MATR3: variants seen among roughly 807,000 people sequenced by gnomAD.
The protein encoded by MATR3 is matrin 3.
In MATR3, 4 loss-of-function variants were observed where a neutral mutation model predicts 85.5. The ratio of observed to expected loss-of-function variants is 0.05; its 90% CI spans 0.02 to 0.11. The LOEUF (loss-of-function observed/expected upper bound fraction) is 0.11. MATR3 is among the 10% of genes least tolerant of loss of function. MATR3 has a pLI of 1.00. For synonymous variants in MATR3, 336 were observed against 343.1 expected, an observed-to-expected ratio of 0.98 and a Z score of 0.23; for missense variants, 685 against 1,016.1, an observed-to-expected ratio of 0.67 and a Z score of 4.43.
chr5:139,319,708 C>T (rs746514489), intron 9 of MATR3, among the ~76,000 whole-genome samples: 5 of 151,304 alleles, frequency 3.3e-5, no homozygotes, highest in African/African-American at 9.7e-5. Flanking sequence ...ATTATCCAGG[C>T]GTGATGTGCC....
intron 1 of MATR3, among the ~76,000 whole-genome samples, chr5:139,275,142 A>ATTTTTTTTTTTTT (rs750841386): frequency 1.2e-4 from 5 of 40,910 alleles, no homozygotes; most frequent in African/African-American, 1.9e-4. Flanking sequence ...CGCCCGGCTA[A>ATTTTTTTTTTTTT]TTTTTTTTTT....
chr5:139,329,441 TG>T lies in MATR3; in HGVS notation c.*47del, dbSNP rs780916919. The stretch of plus-strand genomic sequence containing the variant: ...GATTTCAAAGAAAATAATGGTTCTT[TG>T]TTTTTAATGTTAACCTTTTTTAAAT... On this transcript the variant is annotated 3_prime_UTR_variant, in exon 15 of 15. Transcript: ENST00000394805. 19 of 1,469,448 alleles carry T rather than the reference TG, an allele frequency of 1.3e-5. No homozygotes were observed. In the South Asian group the frequency reaches 2.0e-4, roughly 16 times the overall value. The allele number at this position is 1,469,448 out of a possible 1,614,324, so 91.0% of individuals were successfully genotyped here.
At chr5:139,278,287 T>A (rs1352862951) in intron 2 of MATR3, 1 of 453,890 alleles carries the variant, frequency 2.2e-6, no homozygotes, top group Admixed American at 2.4e-5. Flanking sequence ...TATTATATTC[T>A]GTGTACTAGA....
chr5:139,275,405 A>G (rs1402645887), intron 1 of MATR3, among the ~76,000 whole-genome samples: 1 of 151,876 alleles, frequency 6.6e-6, no homozygotes, highest in Non-Finnish European at 1.5e-5. Flanking sequence ...TGCTGTTTTT[A>G]TTGTCCTTCA....
intron 3 of MATR3, among the ~76,000 whole-genome samples, chr5:139,288,719 C>A (rs1352770486): frequency 4.6e-5 from 7 of 152,140 alleles, no homozygotes; most frequent in African/African-American, 1.4e-4. Flanking sequence ...CAGCTCACTG[C>A]AAGCTCCGCC....
At chr5:139,295,781 A>G (rs1754115993) in intron 1 of MATR3, among the ~76,000 whole-genome samples, 1 of 152,174 alleles carries the variant, frequency 6.6e-6, no homozygotes, top group South Asian at 2.1e-4. Flanking sequence ...CCAGTTGCAA[A>G]TAGTAGCAGT....
At chr5:139,325,049 C>A (rs184557777) in intron 12 of MATR3, among the ~76,000 whole-genome samples, 173 of 152,004 alleles carry the variant, frequency 1.1e-3, no homozygotes, top group African/African-American at 3.9e-3. Flanking sequence ...AAAAATTAGC[C>A]GGGCGTGGTG....
chr5:139,300,755 G>A (rs999957109), intron 1 of MATR3, among the ~76,000 whole-genome samples: 7 of 152,150 alleles, frequency 4.6e-5, no homozygotes, highest in African/African-American at 1.7e-4. Context: ...TGATTCTTCT[G>A]CCTCAGCCTC....
chr5:139,317,819 G>A, intron 7 of MATR3, 98 bp downstream of exon 7: 3 of 1,195,534 alleles, frequency 2.5e-6, no homozygotes, highest in Non-Finnish European at 2.4e-6. Context: ...AAAACTCAAG[G>A]TAATCTTAAG....
chr5:139,304,232 C>T (rs1754597161), intron 1 of MATR3, among the ~76,000 whole-genome samples: 1 of 152,018 alleles, frequency 6.6e-6, no homozygotes, highest in South Asian at 2.1e-4. Context: ...TCGGGCCAGG[C>T]GTGGTGGCTC....
chr5:139,324,770 T>A (rs1383377554), intron 12 of MATR3, among the ~76,000 whole-genome samples: 1 of 152,234 alleles, frequency 6.6e-6, no homozygotes, highest in Non-Finnish European at 1.5e-5. Context: ...CCTATCTCAT[T>A]TAACTTCTGC....
Position 139,322,827 on chromosome 5 carries a change from G to C in MATR3, c.2008G>C (p.Glu670Gln). 1 of 1,614,224 alleles carries C rather than the reference G, an allele frequency of 6.2e-7. No individual in the cohort carries two copies. The highest frequency in any genetic ancestry group is 8.5e-7 in the Non-Finnish European group (1 of 1,180,036). Residue 670 changes from glutamate to glutamine, a missense_variant, in exon 12 of 15, where the codon GAA becomes CAA. Glu to Gln is a conservative substitution (Grantham distance 29). Coordinates refer to ENST00000394805, the MANE Select transcript of MATR3 (RefSeq NM_018834.6). ...TGAAGAAGAAGCAGCAGCACTGCTA[G>C]AAAGTGGCAGTTCAGTGGGAGACGA... ...VDEEEAAALL[E>Q]SGSSVGDETD...
intron 1 of MATR3, among the ~76,000 whole-genome samples, chr5:139,294,334 G>A (rs937242703): frequency 7.9e-5 from 12 of 152,130 alleles, no homozygotes; most frequent in African/African-American, 2.9e-4. Context: ...CTCTGAAAAT[G>A]TTCCCCCAAA....
intron 2 of MATR3, among the ~76,000 whole-genome samples, chr5:139,277,822 G>A (rs1256917747): frequency 6.7e-6 from 1 of 149,312 alleles, no homozygotes; most frequent in East Asian, 2.0e-4. Context: ...TACAACATGA[G>A]GTTTTCATAC....
At position 139,329,468 on chromosome 5, in the gene MATR3, A is replaced by G; in HGVS notation, c.*73A>G. 1 of 1,193,772 alleles carries G rather than the reference A, an allele frequency of 8.4e-7. No individual in the cohort carries two copies. Among genetic ancestry groups the G allele is most frequent in the Non-Finnish European group, 1.2e-6 (1 of 805,050 alleles). 73.9% of individuals were successfully genotyped at this position (1,193,772 alleles called of 1,614,324 possible). ...TTTTTAATGTTAACCTTTTTTAAAT[A>G]CAATACTGATAGTTAGAAGAAAACT... On this transcript the variant is annotated 3_prime_UTR_variant, in exon 15 of 15. Transcript: ENST00000394805.
At chr5:139,298,155 G>T (rs534788985) in intron 1 of MATR3, among the ~76,000 whole-genome samples, 6 of 152,272 alleles carry the variant, frequency 3.9e-5, no homozygotes, top group African/African-American at 1.4e-4. Context: ...CCTTTGTGAG[G>T]ATTATTAGGA....
intron 1 of MATR3, among the ~76,000 whole-genome samples, chr5:139,305,935 T>C (rs1754684675): frequency 6.6e-6 from 1 of 152,216 alleles, no homozygotes; most frequent in South Asian, 2.1e-4. Context: ...CTATCATTGG[T>C]GAAATTGATC....
chr5:139,314,299 C>T (rs1581243838), intron 2 of MATR3: 3 of 256,558 alleles, frequency 1.2e-5, no homozygotes, highest in Non-Finnish European at 2.3e-5. Context: ...ATGTTTTATT[C>T]AGAGTGCTAT....
At chr5:139,317,250 G>C in intron 6 of MATR3, 145 bp downstream of exon 6, 1 of 886,924 alleles carries the variant, frequency 1.1e-6, no homozygotes, top group Non-Finnish European at 1.8e-6. Flanking sequence ...CTATGGCTTT[G>C]ATAACAGTTA....
Sources: gnomAD v4.1 joint callset for allele counts (sites outside exome capture counted in the v4.1 genomes callset) on GRCh38, gnomAD v4.1.1 for gene constraint, MANE v1.5 for transcripts, NCBI Gene and HGNC (gene_info 2026-07-23, HGNC 2026-07-21) for gene names.